B3GLCT: variants seen among roughly 807,000 people sequenced by gnomAD.
B3GLCT encodes beta-1,3-glucosyltransferase.
B3GLCT carries 65 observed loss-of-function variants against 63.4 expected under a neutral mutation model. The observed-to-expected ratio is 1.03, with a 90% CI of 0.84 to 1.26. The LOEUF is 1.26. Ranked by LOEUF, B3GLCT falls within the 50% of genes most tolerant of loss-of-function variation. The probability of loss-of-function intolerance (pLI) is 0.00; values close to 1 mark genes in which losing one functional copy is unlikely to be tolerated. For missense variants in B3GLCT, 577 were observed against 604.8 expected, an observed-to-expected ratio of 0.95 and a Z score of 0.48; for synonymous variants, 233 against 219.2, an observed-to-expected ratio of 1.06 and a Z score of -0.55.
chr13:31,273,199 ATTC>A (rs1342583382), intron 8 of B3GLCT, among the ~76,000 whole-genome samples: 1 of 152,114 alleles, frequency 6.6e-6, no homozygotes, highest in Non-Finnish European at 1.5e-5. Context: ...GGTTCAAGCA[ATTC>A]TTCTGCCTCA....
At chr13:31,223,821 C>G (rs1432335454) in intron 3 of B3GLCT, among the ~76,000 whole-genome samples, 2 of 152,074 alleles carry the variant, frequency 1.3e-5, no homozygotes, top group East Asian at 3.9e-4. Context: ...CCTATGGTGT[C>G]AGGGGGTATG....
chr13:31,210,037 C>T (rs546207338), intron 1 of B3GLCT, among the ~76,000 whole-genome samples: 23 of 152,234 alleles, frequency 1.5e-4, no homozygotes, highest in Middle Eastern at 3.4e-3. Context: ...ATTAATTACT[C>T]GCCAGTTTTC....
intron 1 of B3GLCT, among the ~76,000 whole-genome samples, chr13:31,210,648 A>G (rs1293966147): frequency 6.6e-6 from 1 of 152,198 alleles, no homozygotes; most frequent in East Asian, 1.9e-4. Flanking sequence ...CAGGATTTTT[A>G]TGGATAAGAA....
At chr13:31,203,114 G>A (rs188312453) in intron 1 of B3GLCT, among the ~76,000 whole-genome samples, 88 of 152,258 alleles carry the variant, frequency 5.8e-4, no homozygotes, top group African/African-American at 2.0e-3. Context: ...CTTAGCACCT[G>A]CCAAAATTGG....
In B3GLCT at chr13:31,247,024, A is replaced by T. The variant is rs769023873; in HGVS notation, c.272A>T (p.Glu91Val). The T allele has an allele frequency of 5.6e-6, 9 of 1,599,334 alleles. No individual in the cohort carries two copies. The highest frequency in any genetic ancestry group is 6.8e-6 in the Non-Finnish European group (8 of 1,176,094). Residue 91 changes from glutamate (E) to valine (V), a missense_variant and splice_region_variant, in exon 5 of 15, where the codon GAG becomes GTG. Transcript: ENST00000343307. ...ILKQAADLTQELPSVLLLHQL... is the reference protein window; with the variant it reads ...ILKQAADLTQVLPSVLLLHQL... Reference sequence around the variant, plus strand: ...CTTCTTTGATCATTGTTTTCTCAGGAGCTCCCCAGTGTCCTCCTCCTTCAT... The same window carrying T: ...CTTCTTTGATCATTGTTTTCTCAGGTGCTCCCCAGTGTCCTCCTCCTTCAT...
intron 2 of B3GLCT, among the ~76,000 whole-genome samples, chr13:31,216,846 T>G (rs1373829045): frequency 6.6e-6 from 1 of 152,252 alleles, no homozygotes; most frequent in African/African-American, 2.4e-5. Context: ...TTATCCAGTC[T>G]ACTGCTGATG....
chr13:31,226,640 G>T (rs1870117150), intron 3 of B3GLCT, among the ~76,000 whole-genome samples: 1 of 151,366 alleles, frequency 6.6e-6, no homozygotes, highest in Non-Finnish European at 1.5e-5. Flanking sequence ...TTGCTGTGTT[G>T]CTCAGGCTGA....
At chr13:31,238,583 A>G (rs1870771308) in intron 4 of B3GLCT, among the ~76,000 whole-genome samples, 1 of 152,238 alleles carries the variant, frequency 6.6e-6, no homozygotes, top group Admixed American at 6.5e-5. Flanking sequence ...TATAAAGTAG[A>G]TGGTAACTAT....
chr13:31,316,431 A>ATATATATATATATATATATATATATCT (rs1555255278), intron 12 of B3GLCT, among the ~76,000 whole-genome samples: 1 of 110,056 alleles, frequency 9.1e-6, no homozygotes, highest in African/African-American at 3.4e-5. Context: ...ATATATATAT[A>ATATATATATATATATATATATATATCT]AATTTTTTTT....
At chr13:31,229,069 C>A in intron 3 of B3GLCT, 116 bp from the exon 4 acceptor site, 1 of 693,960 alleles carries the variant, frequency 1.4e-6, no homozygotes. Flanking sequence ...GATTTTTTCC[C>A]ATTAAGAGTT....
intron 12 of B3GLCT, among the ~76,000 whole-genome samples, chr13:31,297,957 T>C (rs1322252861): frequency 6.6e-6 from 1 of 152,206 alleles, no homozygotes; most frequent in Non-Finnish European, 1.5e-5. Flanking sequence ...TGTTCAGATA[T>C]TCTAAAGCTC....
intron 3 of B3GLCT, among the ~76,000 whole-genome samples, chr13:31,224,712 C>T (rs1158756446): frequency 6.6e-6 from 1 of 151,982 alleles, no homozygotes; most frequent in African/African-American, 2.4e-5. Context: ...TGGAGTGGCC[C>T]GCTTTGTGTG....
At chr13:31,256,037 T>TGG (rs893894578) in intron 6 of B3GLCT, among the ~76,000 whole-genome samples, 45 of 152,150 alleles carry the variant, frequency 3.0e-4, no homozygotes, top group African/African-American at 9.9e-4. Flanking sequence ...ATTTTTGCAA[T>TGG]CTATCCATCT....
At chr13:31,212,516 G>A (rs145732918) in intron 1 of B3GLCT, among the ~76,000 whole-genome samples, 1,533 of 152,056 alleles carry the variant, frequency 0.01, 29 homozygotes, top group African/African-American at 0.035. Context: ...CTCGTGATCC[G>A]CCCACCTCGG....
In B3GLCT at chr13:31,331,539, A is replaced by G. The variant is rs1315415708; in HGVS notation, c.*1871A>G. ...TTTGCCTAAGTTTTTGATTTCTCAA[A>G]TATTGTGTTCATTAGTCTAGACTGG... On this transcript the variant is annotated 3_prime_UTR_variant, in exon 15 of 15. Transcript: ENST00000343307. 2 of 150,386 alleles carry G rather than the reference A, an allele frequency of 1.3e-5. No individual in the cohort carries two copies. The highest frequency in any genetic ancestry group is 2.9e-5 in the Non-Finnish European group (2 of 67,870). 9.3% of individuals were successfully genotyped at this position (150,386 alleles called of 1,614,324 possible).
chr13:31,311,178 G>A (rs1463697377), intron 12 of B3GLCT: 1 of 152,182 alleles, frequency 6.6e-6, no homozygotes, highest in Non-Finnish European at 1.5e-5. Context: ...AGACTAACAA[G>A]GGCTATGGGA....
chr13:31,312,675 T>C (rs1193347215), intron 12 of B3GLCT: 4 of 152,194 alleles, frequency 2.6e-5, no homozygotes, highest in Non-Finnish European at 1.5e-5. Flanking sequence ...CAATAAGAAG[T>C]CGCAGGGAGC....
At chr13:31,262,034 T>A (rs973618129) in intron 7 of B3GLCT, among the ~76,000 whole-genome samples, 1 of 152,180 alleles carries the variant, frequency 6.6e-6, no homozygotes, top group Non-Finnish European at 1.5e-5. Context: ...GTACAATTAT[T>A]TTTGGGAACT....
chr13:31,329,803 A>G lies in B3GLCT; in HGVS notation c.*135A>G. ...CTTCCTGACTTTAGGGGGAGATTTTATGTATGGTATTTTTTGACAGAGGAA... is the reference window on the plus strand; with the variant it reads ...CTTCCTGACTTTAGGGGGAGATTTTGTGTATGGTATTTTTTGACAGAGGAA... On this transcript the variant is annotated 3_prime_UTR_variant, in exon 15 of 15. Coordinates refer to ENST00000343307, the MANE Select transcript of B3GLCT (RefSeq NM_194318.4). 1 of 951,978 alleles carries G rather than the reference A, an allele frequency of 1.1e-6. No homozygotes were observed. The highest frequency in any genetic ancestry group is 1.4e-5 in the South Asian group (1 of 69,078). The allele number at this position is 951,978 out of a possible 1,614,324, so 59.0% of individuals were successfully genotyped here.
Sources: gnomAD v4.1 joint callset for allele counts (sites outside exome capture counted in the v4.1 genomes callset) on GRCh38, gnomAD v4.1.1 for gene constraint, MANE v1.5 for transcripts, NCBI Gene and HGNC (gene_info 2026-07-23, HGNC 2026-07-21) for gene names.